DCDC1: variants seen among roughly 807,000 people sequenced by gnomAD.
DCDC1 encodes doublecortin domain containing 1.
In DCDC1, 200 loss-of-function variants were observed where a neutral mutation model predicts 178.3. The ratio of observed to expected loss-of-function variants is 1.12; its 90% CI spans 1.00 to 1.26. DCDC1 has a LOEUF of 1.26. Among genes scored for constraint, DCDC1 ranks in the 50% most tolerant of loss-of-function variants. The pLI is 0.00. For missense variants in DCDC1, 1,983 were observed against 1,749.2 expected (o/e 1.13, Z -2.38); for synonymous variants, 690 against 604.8 (o/e 1.14, Z -2.07).
At chr11:31,221,608 T>G (rs1974275111) in intron 9 of DCDC1, among the ~76,000 whole-genome samples, 1 of 152,176 alleles carries the variant, frequency 6.6e-6, no homozygotes, top group Non-Finnish European at 1.5e-5. Flanking sequence ...TCTGTCCCAC[T>G]TTCTCTGTTC....
intron 9 of DCDC1, among the ~76,000 whole-genome samples, chr11:31,213,296 A>C (rs1398376966): frequency 1.3e-5 from 2 of 151,554 alleles, no homozygotes; most frequent in African/African-American, 2.4e-5. Flanking sequence ...ATCTTTTCAA[A>C]TTTAGCCTTA....
intron 1 of DCDC1, among the ~76,000 whole-genome samples, chr11:31,362,354 T>TA (rs1951750824): frequency 6.6e-6 from 1 of 152,128 alleles, no homozygotes; most frequent in African/African-American, 2.4e-5. Context: ...AAAGATTTTT[T>TA]AAAAAAACAT....
chr11:30,929,064 C>G (rs938158768), intron 22 of DCDC1, among the ~76,000 whole-genome samples: 1 of 151,930 alleles, frequency 6.6e-6, no homozygotes, highest in Non-Finnish European at 1.5e-5. Context: ...AAATAGTTAT[C>G]AAATACTTTA....
chr11:31,165,613 A>G (rs1966711410), intron 9 of DCDC1, among the ~76,000 whole-genome samples: 1 of 152,182 alleles, frequency 6.6e-6, no homozygotes, highest in South Asian at 2.1e-4. Flanking sequence ...ACCTGGCTGA[A>G]AGCCATTTTT....
chr11:30,930,098 CCTT>C (rs1479914220), intron 22 of DCDC1, among the ~76,000 whole-genome samples: 5 of 152,130 alleles, frequency 3.3e-5, no homozygotes, highest in East Asian at 1.9e-4. Context: ...GCCCAACACT[CCTT>C]CTTATAAATA....
At chr11:30,918,260 T>C (rs772331783) in intron 25 of DCDC1, among the ~76,000 whole-genome samples, 7 of 152,212 alleles carry the variant, frequency 4.6e-5, no homozygotes, top group Non-Finnish European at 1.0e-4. Flanking sequence ...AAATGAGGTA[T>C]AGTCAAGTCA....
intron 8 of DCDC1, among the ~76,000 whole-genome samples, chr11:31,260,550 G>A (rs1944714294): frequency 1.3e-5 from 2 of 152,194 alleles, no homozygotes; most frequent in South Asian, 2.1e-4. Context: ...AATGACCTTG[G>A]AGTCAATTTA....
Position 31,306,255 on chromosome 11 carries a change from C to T in DCDC1, c.568G>A (p.Val190Ile). 1 of 1,589,982 alleles carries T rather than the reference C, an allele frequency of 6.3e-7. No homozygotes were observed. Residue 190 changes from valine (V) to isoleucine (I), a missense_variant, in exon 5 of 39, where the codon GTT becomes ATT. Val to Ile is a conservative substitution (Grantham distance 29). Transcript: ENST00000684477. ...ACCAAGGTGATGGTTGGTACAGTAA[C>T]TCTGGCAAAGACTGTTCTAGATCCA... ...KNGSRTVFAR[V>I]TVPTITLLLE...
intron 20 of DCDC1, among the ~76,000 whole-genome samples, chr11:31,058,319 G>C (rs1236503493): frequency 6.6e-6 from 1 of 151,996 alleles, no homozygotes; most frequent in East Asian, 1.9e-4. Context: ...CATTCATTCA[G>C]CGACTTTGTA....
chr11:31,280,301 A>G (rs1207997850), intron 7 of DCDC1, among the ~76,000 whole-genome samples: 22 of 152,206 alleles, frequency 1.4e-4, no homozygotes, highest in Non-Finnish European at 2.6e-4. Context: ...GAATTTCCCC[A>G]GTATTTAAAT....
At chr11:31,337,220 C>A (rs747123640) in intron 1 of DCDC1, among the ~76,000 whole-genome samples, 1 of 152,176 alleles carries the variant, frequency 6.6e-6, no homozygotes, top group Non-Finnish European at 1.5e-5. Context: ...AAATTTAACT[C>A]AGAGTCTAGT....
chr11:31,180,081 C>G (rs892427023), intron 9 of DCDC1, among the ~76,000 whole-genome samples: 1 of 152,092 alleles, frequency 6.6e-6, no homozygotes, highest in Admixed American at 6.6e-5. Flanking sequence ...ATTAAACATC[C>G]CTTCATGATA....
At chr11:30,902,488 G>A (rs1944759836) in intron 32 of DCDC1, among the ~76,000 whole-genome samples, 1 of 152,042 alleles carries the variant, frequency 6.6e-6, no homozygotes. Context: ...CTATATAATG[G>A]AGACATGTTA....
chr11:31,346,711 T>C (rs1950835470), intron 1 of DCDC1, among the ~76,000 whole-genome samples: 1 of 152,170 alleles, frequency 6.6e-6, no homozygotes. Flanking sequence ...AACCGAGGTA[T>C]ATGTGAGTAC....
chr11:30,870,710 T>A (rs1365507625), intron 38 of DCDC1, among the ~76,000 whole-genome samples: 1 of 152,180 alleles, frequency 6.6e-6, no homozygotes, highest in Non-Finnish European at 1.5e-5. Flanking sequence ...AGATCTCAAA[T>A]GGTATTCATC....
chr11:30,899,454 G>C (rs1944492558), intron 34 of DCDC1, 87 bp downstream of exon 34: 5 of 708,872 alleles, frequency 7.1e-6, no homozygotes, highest in Non-Finnish European at 2.1e-6. Flanking sequence ...TTAAACACTT[G>C]GTATCTAATG....
chr11:31,333,412 C>G (rs891239475), intron 2 of DCDC1, among the ~76,000 whole-genome samples: 1 of 152,126 alleles, frequency 6.6e-6, no homozygotes, highest in African/African-American at 2.4e-5. Flanking sequence ...TGAATTTGAT[C>G]CTGTCATTAT....
chr11:31,229,587 A>G (rs908384918), intron 9 of DCDC1, among the ~76,000 whole-genome samples: 2 of 152,160 alleles, frequency 1.3e-5, no homozygotes, highest in Non-Finnish European at 2.9e-5. Flanking sequence ...ATAATCAGAC[A>G]TGAGACCCAC....
chr11:31,298,657 A>G (rs1947877590), intron 6 of DCDC1, among the ~76,000 whole-genome samples: 1 of 152,220 alleles, frequency 6.6e-6, no homozygotes, highest in Non-Finnish European at 1.5e-5. Flanking sequence ...TGAAAAAGAT[A>G]AAGCACTTCT....
Sources: allele counts gnomAD v4.1 joint callset (sites outside exome capture counted in the v4.1 genomes callset), GRCh38; gene constraint gnomAD v4.1.1; transcripts MANE v1.5; gene names NCBI Gene and HGNC (gene_info 2026-07-23, HGNC 2026-07-21).